The following TPRG1 variants were observed in gnomAD, a reference collection of about 807,000 sequenced individuals.
The protein encoded by TPRG1 is tumor protein p63-regulated gene 1 protein.
A neutral mutation model predicts 29.3 loss-of-function variants in TPRG1; 29 were observed. That is an observed-to-expected ratio of 0.99 (90% CI 0.74 to 1.35). TPRG1 has a LOEUF of 1.35. TPRG1 is among the 40% of genes most tolerant of loss of function. The probability of loss-of-function intolerance (pLI) is 0.00; values close to 1 mark genes in which losing one functional copy is unlikely to be tolerated. For synonymous variants in TPRG1, 130 were observed against 116.8 expected (o/e 1.11, Z -0.73); for missense variants, 327 against 335.0 (o/e 0.98, Z 0.19).
chr3:189,070,985 A>G (rs1716779523), intron 4 of TPRG1, among the ~76,000 whole-genome samples: 2 of 150,886 alleles, frequency 1.3e-5, no homozygotes, highest in Non-Finnish European at 1.5e-5. Flanking sequence ...GGGTTTAAAT[A>G]TGGTGACTTG....
chr3:189,023,491 A>G (rs774264396), intron 3 of TPRG1, among the ~76,000 whole-genome samples: 6 of 152,168 alleles, frequency 3.9e-5, no homozygotes, highest in Non-Finnish European at 8.8e-5. Context: ...TCTGAAGCTT[A>G]CTTCTGTCAT....
intron 4 of TPRG1, among the ~76,000 whole-genome samples, chr3:189,090,016 A>G (rs1055665292): frequency 2.0e-5 from 3 of 151,918 alleles, no homozygotes; most frequent in African/African-American, 4.8e-5. Flanking sequence ...CTTATTTTCT[A>G]TGTATTACTT....
At chr3:189,121,317 C>T (rs890656490) in intron 1 of TPRG1, 2 of 152,130 alleles carry the variant, frequency 1.3e-5, no homozygotes, top group Non-Finnish European at 2.9e-5. Context: ...TTCTCAGCCT[C>T]CTTGAGGTTA....
chr3:189,324,473 G>T lies in TPRG1; in HGVS notation c.*3653G>T, dbSNP rs1724560918. 1 of 152,068 alleles carries T rather than the reference G, an allele frequency of 6.6e-6. No homozygotes were observed. Among genetic ancestry groups the T allele is most frequent in the African/African-American group, 2.4e-5 (1 of 41,404 alleles). 9.4% of individuals were successfully genotyped at this position (152,068 alleles called of 1,614,324 possible). On this transcript the variant is annotated 3_prime_UTR_variant, in exon 6 of 6. Coordinates refer to ENST00000345063, the MANE Select transcript of TPRG1 (RefSeq NM_198485.4). ...AATTTTGAAATGAGAAAACAATAGG[G>T]CACAGTCGTTTGGGAAGAATTTCCA...
chr3:189,074,071 C>G (rs1387927122), intron 4 of TPRG1, among the ~76,000 whole-genome samples: 1 of 151,770 alleles, frequency 6.6e-6, no homozygotes, highest in East Asian at 1.9e-4. Flanking sequence ...TAGAATTTGG[C>G]CTTTCTCTTT....
At chr3:189,144,725 A>G (rs1725020703) in intron 3 of TPRG1, among the ~76,000 whole-genome samples, 1 of 152,240 alleles carries the variant, frequency 6.6e-6, no homozygotes, top group Non-Finnish European at 1.5e-5. Flanking sequence ...ACTGATCACT[A>G]GAAGTTAATA....
chr3:189,022,282 C>A (rs1254521230), intron 3 of TPRG1, among the ~76,000 whole-genome samples: 1 of 150,678 alleles, frequency 6.6e-6, no homozygotes, highest in Non-Finnish European at 1.5e-5. Flanking sequence ...TGAGGAACTG[C>A]GTTCCTTTGG....
intron 3 of TPRG1, among the ~76,000 whole-genome samples, chr3:189,007,954 G>C (rs531614359): frequency 1.4e-5 from 2 of 148,024 alleles, no homozygotes; most frequent in Non-Finnish European, 3.0e-5. Context: ...GCTAGATGAC[G>C]AGTTAGCGGG....
At chr3:189,027,079 C>T (rs192963934) in intron 4 of TPRG1, among the ~76,000 whole-genome samples, 8 of 152,260 alleles carry the variant, frequency 5.3e-5, no homozygotes, top group South Asian at 2.1e-4. Flanking sequence ...ATACCTTGCA[C>T]GCAATGCTAT....
chr3:189,066,718 T>C (rs1037971156), intron 4 of TPRG1, among the ~76,000 whole-genome samples: 2 of 151,694 alleles, frequency 1.3e-5, no homozygotes, highest in Admixed American at 6.6e-5. Flanking sequence ...AGTATTATAC[T>C]AAATGGGGAA....
At chr3:189,194,316 G>C (rs1241866152) in intron 1 of TPRG1, among the ~76,000 whole-genome samples, 5 of 152,168 alleles carry the variant, frequency 3.3e-5, no homozygotes, top group Non-Finnish European at 2.9e-5. Flanking sequence ...CTACAGTGGA[G>C]AGACTTAGCC....
intron 4 of TPRG1, among the ~76,000 whole-genome samples, chr3:189,074,227 G>C (rs986540346): frequency 4.4e-5 from 5 of 114,064 alleles, no homozygotes; most frequent in African/African-American, 1.7e-4. Context: ...TTTTTTTGAC[G>C]TGGAGTCTCG....
At chr3:189,062,217 G>T (rs1716158531) in intron 4 of TPRG1, among the ~76,000 whole-genome samples, 2 of 152,056 alleles carry the variant, frequency 1.3e-5, no homozygotes, top group South Asian at 4.1e-4. Flanking sequence ...GTTCTCGCTT[G>T]TAAGTAGGAG....
rs540449903 is a variant in TPRG1 at position 189,106,032 on chromosome 3, A to G, written c.-744+5828A>G. Among the ~76,000 whole-genome samples the G allele has an allele frequency of 6.6e-5, 10 of 152,272 alleles. No individual in the cohort carries two copies. In the South Asian group the frequency reaches 1.7e-3, roughly 25 times the overall value. On this transcript the variant is annotated intron_variant, in intron 1 of 6. Coordinates refer to the TPRG1 transcript ENST00000412373. ...TGTAACAAACCTGCACATCCTGCAC[A>G]TGTACCTAGGAACTGAAAATTCAAC...
rs552098925 is a variant in TPRG1 at position 189,281,543 on chromosome 3, T to C, written c.480-28843T>C. The stretch of plus-strand genomic sequence containing the variant: ...TGAACTATGTTATCGTGGATGCATA[T>C]GTGTGTGTGTGCACGTGAGTGTGTA... On this transcript the variant is annotated intron_variant, in intron 4 of 5. Coordinates refer to ENST00000345063, the MANE Select transcript of TPRG1 (RefSeq NM_198485.4). 1.1e-4 allele frequency among the ~76,000 whole-genome samples: 16 copies of C among 152,218 alleles called. No homozygotes were observed. In the South Asian group the frequency reaches 3.3e-3, roughly 32 times the overall value.
chr3:189,116,162 G>A (rs1034491662), intron 1 of TPRG1, among the ~76,000 whole-genome samples: 25 of 152,086 alleles, frequency 1.6e-4, no homozygotes, highest in Admixed American at 1.6e-3. Flanking sequence ...TTGAAAACAA[G>A]GTCTCGAAGA....
At chr3:189,240,835 A>G (rs1389167038) in intron 4 of TPRG1, among the ~76,000 whole-genome samples, 7 of 152,196 alleles carry the variant, frequency 4.6e-5, no homozygotes, top group Admixed American at 3.3e-4. Context: ...TATTTATTAC[A>G]TATTATTTTA....
chr3:189,154,050 T>C (rs760294368), intron 5 of TPRG1, among the ~76,000 whole-genome samples: 4 of 152,190 alleles, frequency 2.6e-5, no homozygotes, highest in Non-Finnish European at 4.4e-5. Context: ...TGGCCAAATG[T>C]AGAGCACACA....
intron 4 of TPRG1, among the ~76,000 whole-genome samples, chr3:189,242,099 C>T: frequency 6.6e-6 from 1 of 152,042 alleles, no homozygotes; most frequent in Non-Finnish European, 1.5e-5. Context: ...TATATTTCAT[C>T]TAAAATTTGC....
Sources: allele counts gnomAD v4.1 joint callset (sites outside exome capture counted in the v4.1 genomes callset), GRCh38; gene constraint gnomAD v4.1.1; transcripts MANE v1.5; gene names NCBI Gene and HGNC (gene_info 2026-07-23, HGNC 2026-07-21).